ASAP2: variants seen among roughly 807,000 people sequenced by gnomAD.
ASAP2 encodes ArfGAP with SH3 domain, ankyrin repeat and PH domain 2.
Under a neutral mutation model 131.4 loss-of-function variants are expected in ASAP2, and 45 were observed. The ratio of observed to expected loss-of-function variants is 0.34; its 90% CI spans 0.27 to 0.44. ASAP2 has a LOEUF of 0.44. Ranked by LOEUF, ASAP2 falls within the 20% of genes least tolerant of loss-of-function variation. ASAP2 has a pLI of 1.00. For synonymous variants in ASAP2, 510 were observed against 503.0 expected, an observed-to-expected ratio of 1.01 and a Z score of -0.19; for missense variants, 1,011 against 1,297.0, an observed-to-expected ratio of 0.78 and a Z score of 3.39.
chr2:9,396,683 T>C (rs1676171344), intron 24 of ASAP2, among the ~76,000 whole-genome samples: 1 of 152,226 alleles, frequency 6.6e-6, no homozygotes, highest in Admixed American at 6.5e-5. Context: ...TTTTAAATGC[T>C]ACTTTGCAAG....
chr2:9,292,096 C>G (rs1262591738), intron 2 of ASAP2, among the ~76,000 whole-genome samples: 2 of 152,066 alleles, frequency 1.3e-5, no homozygotes, highest in African/African-American at 4.8e-5. Flanking sequence ...GCTTTGGTTT[C>G]CATGTTTAGA....
At chr2:9,362,865 G>A (rs912117010) in intron 15 of ASAP2, among the ~76,000 whole-genome samples, 4 of 152,082 alleles carry the variant, frequency 2.6e-5, no homozygotes, top group Non-Finnish European at 5.9e-5. Flanking sequence ...TAAGTATACA[G>A]TACGTTATTA....
chr2:9,367,118 C>T (rs1303001388), intron 15 of ASAP2, among the ~76,000 whole-genome samples: 1 of 149,354 alleles, frequency 6.7e-6, no homozygotes, highest in Non-Finnish European at 1.5e-5. Flanking sequence ...GCAATCTTCA[C>T]CTCCTGGATT....
chr2:9,323,667 C>CT (rs1007758548), intron 6 of ASAP2, among the ~76,000 whole-genome samples: 7 of 152,110 alleles, frequency 4.6e-5, no homozygotes, highest in African/African-American at 1.7e-4. Flanking sequence ...GTGTCAGTGT[C>CT]TGTGAGTGGA....
At position 9,237,320 on chromosome 2, in the gene ASAP2, CTT is replaced by C. The variant is rs1361346105; in HGVS notation, c.126+30093_126+30094del. 1.3e-5 allele frequency among the ~76,000 whole-genome samples: 2 copies of C among 151,806 alleles called. 1 individual carries two copies. The highest frequency in any genetic ancestry group is 1.3e-4 in the Admixed American group (2 of 15,256). On this transcript the variant is annotated intron_variant, in intron 1 of 27. Coordinates refer to ENST00000281419, the MANE Select transcript of ASAP2 (RefSeq NM_003887.3). ...AGGACATTTCTCATTTACATTGTGA[CTT>C]TTAGATGAAAACATAATTGATACCT...
Position 9,328,795 on chromosome 2 carries a change from T to G in ASAP2, c.686+884T>G, listed in dbSNP as rs116718707. Among the ~76,000 whole-genome samples the G allele has an allele frequency of 2.6e-3, 394 of 152,286 alleles. 4 individuals are homozygous for G. The highest frequency in any genetic ancestry group is 8.9e-3 in the African/African-American group (371 of 41,552). On this transcript the variant is annotated intron_variant, in intron 7 of 27. Coordinates refer to ENST00000281419, the MANE Select transcript of ASAP2 (RefSeq NM_003887.3). ...GGACCAGAGGCGAGAGACACAGTGATGTACAGTGCTGGCATAGTTCCTACT... is the reference window on the plus strand; with the variant it reads ...GGACCAGAGGCGAGAGACACAGTGAGGTACAGTGCTGGCATAGTTCCTACT...
chr2:9,271,681 G>C, intron 1 of ASAP2: 4 of 596,036 alleles, frequency 6.7e-6, no homozygotes, highest in Non-Finnish European at 1.1e-5. Context: ...ACGGCGGGCA[G>C]AGGGTACGGA....
intron 17 of ASAP2, among the ~76,000 whole-genome samples, chr2:9,376,377 G>C (rs1164450473): frequency 2.0e-5 from 3 of 152,248 alleles, no homozygotes; most frequent in African/African-American, 7.2e-5. Flanking sequence ...TCCCCCACCT[G>C]CCAGGTGTAC....
Position 9,404,797 on chromosome 2 carries a change from T to C in ASAP2, c.*1470T>C, listed in dbSNP as rs949323570. The C allele has an allele frequency of 4.6e-5, 7 of 152,306 alleles. No homozygotes were observed. The highest frequency in any genetic ancestry group is 1.4e-4 in the African/African-American group (6 of 41,394). The allele number at this position is 152,306 out of a possible 1,614,324, so 9.4% of individuals were successfully genotyped here. ...TGTTATAAAGGAAGACAGAACAAAC[T>C]GGAATGTTTTATGATGTTGTATAGC... On this transcript the variant is annotated 3_prime_UTR_variant, in exon 28 of 28. Coordinates refer to ENST00000281419, the MANE Select transcript of ASAP2 (RefSeq NM_003887.3).
At chr2:9,338,252 C>T (rs1437626360) in intron 9 of ASAP2, among the ~76,000 whole-genome samples, 4 of 152,052 alleles carry the variant, frequency 2.6e-5, no homozygotes, top group Non-Finnish European at 5.9e-5. Context: ...GTGCTGAAAC[C>T]ACCATGGTTT....
intron 12 of ASAP2, among the ~76,000 whole-genome samples, chr2:9,355,554 A>G (rs1318572795): frequency 3.9e-5 from 6 of 152,180 alleles, no homozygotes; most frequent in Admixed American, 1.3e-4. Context: ...TTTATATTCG[A>G]CCATTATTTA....
chr2:9,245,868 A>G (rs1051139499), intron 1 of ASAP2, among the ~76,000 whole-genome samples: 4 of 152,228 alleles, frequency 2.6e-5, no homozygotes, highest in Non-Finnish European at 5.9e-5. Flanking sequence ...TGCCTGGGAC[A>G]GAACTTGTTC....
chr2:9,358,666 T>G (rs1672873822), intron 14 of ASAP2, 90 bp from the exon 15 acceptor site: 1 of 1,482,146 alleles, frequency 6.7e-7, no homozygotes, highest in South Asian at 1.3e-5. Context: ...TGCTCAGAAC[T>G]GCTTGTTCAG....
At chr2:9,215,331 T>C (rs902720307) in intron 1 of ASAP2, among the ~76,000 whole-genome samples, 1 of 152,192 alleles carries the variant, frequency 6.6e-6, no homozygotes, top group Admixed American at 6.5e-5. Flanking sequence ...TAGGAGAATA[T>C]TTTAAAAATT....
intron 16 of ASAP2, among the ~76,000 whole-genome samples, chr2:9,374,487 T>G (rs1674230935): frequency 6.6e-6 from 1 of 151,826 alleles, no homozygotes; most frequent in Admixed American, 6.6e-5. Context: ...TCACAGAACT[T>G]AGGAGTGAGG....
chr2:9,232,352 G>A lies in ASAP2; in HGVS notation c.126+25122G>A, dbSNP rs946002427. 6.6e-6 allele frequency among the ~76,000 whole-genome samples: 1 copy of A among 152,182 alleles called. No homozygotes were observed. Among genetic ancestry groups the A allele is most frequent in the Non-Finnish European group, 1.5e-5 (1 of 68,030 alleles). ...CCTGTTCTGTGAAGTTCAGCCCAGT[G>A]CCCCTTCCTTGGAGGCCACATTAGA... On this transcript the variant is annotated intron_variant, in intron 1 of 27. Coordinates refer to ENST00000281419, the MANE Select transcript of ASAP2 (RefSeq NM_003887.3). The surrounding 1 kb of genome is among the most constrained non-coding windows in gnomAD (Gnocchi z 4.1).
At chr2:9,247,295 C>T (rs1397556231) in intron 1 of ASAP2, among the ~76,000 whole-genome samples, 1 of 152,192 alleles carries the variant, frequency 6.6e-6, no homozygotes, top group Admixed American at 6.5e-5. Flanking sequence ...ATTAAGGAGA[C>T]TGACTTGCCC....
intron 25 of ASAP2, among the ~76,000 whole-genome samples, 158 bp downstream of exon 25, chr2:9,400,230 C>CTCCT (rs1558405827): frequency 1.7e-5 from 2 of 119,790 alleles, no homozygotes; most frequent in Non-Finnish European, 3.5e-5. Context: ...CCCCTCCTGC[C>CTCCT]CCCTCCCCTC....
At chr2:9,393,057 G>A (rs1425276943) in intron 23 of ASAP2, among the ~76,000 whole-genome samples, 1 of 152,208 alleles carries the variant, frequency 6.6e-6, no homozygotes, top group African/African-American at 2.4e-5. Flanking sequence ...ACCCTGCCCA[G>A]CAGCCCGATG....
Sources: gnomAD v4.1 joint callset for allele counts (sites outside exome capture counted in the v4.1 genomes callset) on GRCh38, gnomAD v4.1.1 for gene constraint, Gnocchi (gnomAD v3.1) non-coding constraint, MANE v1.5 for transcripts, NCBI Gene and HGNC (gene_info 2026-07-23, HGNC 2026-07-21) for gene names.